Variants in GALNTL6 observed in about 807,000 individuals in gnomAD.
GALNTL6 encodes the protein polypeptide N-acetylgalactosaminyltransferase like 6.
A neutral mutation model predicts 73.7 loss-of-function variants in GALNTL6; 46 were observed. The ratio of observed to expected loss-of-function variants is 0.62; its 90% CI spans 0.49 to 0.80. The LOEUF (loss-of-function observed/expected upper bound fraction) is 0.80, where lower values mean the gene tolerates loss of function less well. Ranked by LOEUF, GALNTL6 falls within the 30% of genes least tolerant of loss-of-function variation. The probability of loss-of-function intolerance (pLI) is 0.00; values close to 1 mark genes in which losing one functional copy is unlikely to be tolerated. For synonymous variants in GALNTL6, 259 were observed against 263.7 expected, an observed-to-expected ratio of 0.98 and a Z score of 0.17; for missense variants, 604 against 755.0, an observed-to-expected ratio of 0.80 and a Z score of 2.34.
intron 10 of GALNTL6, among the ~76,000 whole-genome samples, chr4:172,980,975 T>G (rs1751037808): frequency 6.6e-6 from 1 of 152,240 alleles, no homozygotes; most frequent in Admixed American, 6.5e-5. Context: ...CTGGCTTATT[T>G]CGCTTAGCAT....
At chr4:172,991,475 T>C (rs921651233) in intron 10 of GALNTL6, among the ~76,000 whole-genome samples, 1 of 152,080 alleles carries the variant, frequency 6.6e-6, no homozygotes, top group South Asian at 2.1e-4. Context: ...CTCGGCTCAC[T>C]GCAATTCTCT....
chr4:171,964,174 CT>C (rs34889130), intron 2 of GALNTL6, among the ~76,000 whole-genome samples: 5,709 of 148,076 alleles, frequency 0.039, 310 homozygotes, highest in African/African-American at 0.12. Flanking sequence ...GTAAGCAATA[CT>C]TTTTTTTTTT....
chr4:171,831,438 T>G (rs1334734266), intron 2 of GALNTL6, among the ~76,000 whole-genome samples: 1 of 151,998 alleles, frequency 6.6e-6, no homozygotes, highest in African/African-American at 2.4e-5. Flanking sequence ...CTCATAATGC[T>G]AAATTACATC....
In GALNTL6 at chr4:172,658,597, A is replaced by G. The variant is rs74585070; in HGVS notation, c.554-150764A>G. On this transcript the variant is annotated intron_variant, in intron 5 of 12. Coordinates refer to ENST00000506823, the MANE Select transcript of GALNTL6 (RefSeq NM_001034845.3). ...ACAGGGATGTCAAAGCCAGGAATGA[A>G]ATGTCTTCCCAAGAATCCCCGATGA... is the stretch of plus-strand genomic sequence containing the variant. Among the ~76,000 whole-genome samples the G allele has an allele frequency of 4.3e-3, 655 of 152,286 alleles. 6 individuals carry two copies. The highest frequency in any genetic ancestry group is 0.015 in the African/African-American group (609 of 41,560).
intron 10 of GALNTL6, among the ~76,000 whole-genome samples, chr4:172,993,352 T>G (rs1751625872): frequency 6.6e-6 from 1 of 152,232 alleles, no homozygotes. Flanking sequence ...CACCTTGATC[T>G]TGAGCTTCCT....
At chr4:172,367,862 G>A (rs571421657) in intron 5 of GALNTL6, among the ~76,000 whole-genome samples, 2 of 151,974 alleles carry the variant, frequency 1.3e-5, no homozygotes, top group African/African-American at 2.4e-5. Flanking sequence ...CATTAACATC[G>A]CTTATAAGGT....
At chr4:172,448,704 A>C (rs531619951) in intron 5 of GALNTL6, among the ~76,000 whole-genome samples, 27 of 152,304 alleles carry the variant, frequency 1.8e-4, no homozygotes, top group African/African-American at 5.1e-4. Context: ...TGAGAAATCT[A>C]GAATCCATCT....
intron 7 of GALNTL6, among the ~76,000 whole-genome samples, chr4:172,828,762 A>G (rs1370335997): frequency 1.3e-5 from 2 of 152,230 alleles, no homozygotes; most frequent in Non-Finnish European, 2.9e-5. Flanking sequence ...AGAAGGAACC[A>G]GGCTAAAGTC....
At chr4:171,928,832 G>T (rs1262775101) in intron 2 of GALNTL6, among the ~76,000 whole-genome samples, 2 of 152,106 alleles carry the variant, frequency 1.3e-5, no homozygotes, top group Non-Finnish European at 2.9e-5. Context: ...TGTGTAGCAG[G>T]CTGCACATCT....
At chr4:172,153,818 T>C (rs1008012489) in intron 2 of GALNTL6, among the ~76,000 whole-genome samples, 1 of 152,220 alleles carries the variant, frequency 6.6e-6, no homozygotes. Flanking sequence ...GGATCTTTCA[T>C]GACCTAGGAA....
chr4:172,229,533 A>G (rs561999717), intron 2 of GALNTL6, 123 bp from the exon 3 acceptor site: 1 of 623,256 alleles, frequency 1.6e-6, no homozygotes, highest in Non-Finnish European at 2.8e-6. Context: ...TTTTCATTAT[A>G]CTCAGAAGAT....
intron 2 of GALNTL6, among the ~76,000 whole-genome samples, chr4:172,115,085 T>C (rs1212961530): frequency 5.3e-5 from 8 of 152,144 alleles, no homozygotes; most frequent in Non-Finnish European, 1.2e-4. Flanking sequence ...TTAAGAGCTC[T>C]ATATCCTTCC....
intron 2 of GALNTL6, among the ~76,000 whole-genome samples, chr4:171,983,068 A>AT (rs1292517121): frequency 1.3e-5 from 2 of 152,088 alleles, no homozygotes; most frequent in African/African-American, 4.8e-5. Context: ...TTTGAAAAAA[A>AT]CTCAGGTGAC....
At chr4:172,376,831 A>G (rs372168832) in intron 5 of GALNTL6, among the ~76,000 whole-genome samples, 2 of 152,122 alleles carry the variant, frequency 1.3e-5, no homozygotes, top group East Asian at 3.9e-4. Context: ...GACCCTCGTG[A>G]TAAGTATTAC....
chr4:172,101,012 C>A (rs984958896), intron 2 of GALNTL6, among the ~76,000 whole-genome samples: 2 of 152,080 alleles, frequency 1.3e-5, no homozygotes, highest in Non-Finnish European at 1.5e-5. Flanking sequence ...TAATTCAGCA[C>A]CTCAGTAAAA....
At chr4:172,716,513 T>C (rs1163038446) in intron 5 of GALNTL6, among the ~76,000 whole-genome samples, 1 of 151,892 alleles carries the variant, frequency 6.6e-6, no homozygotes, top group Non-Finnish European at 1.5e-5. Context: ...TTATCAAACA[T>C]TCCCAGTCGC....
intron 5 of GALNTL6, among the ~76,000 whole-genome samples, chr4:172,416,214 C>A (rs994481151): frequency 6.6e-6 from 1 of 152,064 alleles, no homozygotes; most frequent in Non-Finnish European, 1.5e-5. Context: ...GAAGAAATAA[C>A]CTTATTAGTA....
chr4:172,435,599 A>G (rs1245498988), intron 5 of GALNTL6, among the ~76,000 whole-genome samples: 1 of 152,170 alleles, frequency 6.6e-6, no homozygotes, highest in Admixed American at 6.6e-5. Context: ...CTGTCTTAAT[A>G]CTAAAATATA....
intron 2 of GALNTL6, among the ~76,000 whole-genome samples, chr4:171,874,177 A>G (rs894517930): frequency 2.0e-5 from 3 of 152,212 alleles, no homozygotes; most frequent in African/African-American, 7.2e-5. Context: ...AAAACAAATC[A>G]AGGACTGACT....
Sources: gnomAD v4.1 joint callset for allele counts (sites outside exome capture counted in the v4.1 genomes callset) on GRCh38, gnomAD v4.1.1 for gene constraint, MANE v1.5 for transcripts, NCBI Gene and HGNC (gene_info 2026-07-23, HGNC 2026-07-21) for gene names.